DPP10: variants seen among roughly 807,000 people sequenced by gnomAD.
DPP10 encodes the protein inactive dipeptidyl peptidase 10.
Under a neutral mutation model 120.9 loss-of-function variants are expected in DPP10, and 33 were observed. The observed-to-expected ratio is 0.27, with a 90% confidence interval of 0.21 to 0.37. The LOEUF (loss-of-function observed/expected upper bound fraction) is 0.37. Ranked by LOEUF, DPP10 falls within the 10% of genes least tolerant of loss-of-function variation. The pLI, the probability that DPP10 is intolerant of heterozygous loss-of-function variation, is 1.00. For missense variants in DPP10, 816 were observed against 942.8 expected, an observed-to-expected ratio of 0.87 and a Z score of 1.76; for synonymous variants, 337 against 326.1, an observed-to-expected ratio of 1.03 and a Z score of -0.36.
intron 1 of DPP10, among the ~76,000 whole-genome samples, chr2:115,203,974 A>C (rs762044593): frequency 6.6e-6 from 1 of 152,262 alleles, no homozygotes. Context: ...GAGAAACTTT[A>C]TTGTCAAATG....
Position 114,828,011 on chromosome 2 carries a change from CATTT to C in DPP10, c.60+385185_60+385188del, listed in dbSNP as rs57922073. Among the ~76,000 whole-genome samples the C allele has an allele frequency of 8.5e-3, 1,295 of 152,256 alleles. 21 individuals carry two copies. Among genetic ancestry groups the C allele is most frequent in the African/African-American group, 0.029 (1,224 of 41,532 alleles). On this transcript the variant is annotated intron_variant, in intron 1 of 25. Transcript: ENST00000410059. ...TTTCTTGCTTTGTAGAAAAAAACAG[CATTT>C]ATTTATTTATTCATTTTGTTGTTGT...
At chr2:115,539,831 A>G (rs2079075868) in intron 5 of DPP10, among the ~76,000 whole-genome samples, 1 of 151,120 alleles carries the variant, frequency 6.6e-6, no homozygotes, top group Admixed American at 6.6e-5. Context: ...AAAAAAAACC[A>G]CAACCAGATA....
chr2:115,655,307 C>T (rs575364879), intron 5 of DPP10, among the ~76,000 whole-genome samples: 29 of 151,600 alleles, frequency 1.9e-4, no homozygotes, highest in Non-Finnish European at 3.8e-4. Context: ...GAAAAAAAAT[C>T]ATAGTATTCT....
At chr2:115,457,842 T>C (rs544560328) in intron 3 of DPP10, among the ~76,000 whole-genome samples, 5 of 152,124 alleles carry the variant, frequency 3.3e-5, no homozygotes, top group Non-Finnish European at 5.9e-5. Flanking sequence ...CATACAGCTA[T>C]GCAAAATCTT....
intron 1 of DPP10, among the ~76,000 whole-genome samples, chr2:114,450,573 T>G (rs534812038): frequency 1.3e-5 from 2 of 152,112 alleles, no homozygotes; most frequent in Non-Finnish European, 2.9e-5. Flanking sequence ...AGTTTGACTT[T>G]TGAGTTCAGA....
intron 3 of DPP10, among the ~76,000 whole-genome samples, chr2:115,431,973 C>T (rs1717054): frequency 0.11 from 16,249 of 151,946 alleles, 1,029 homozygotes; most frequent in African/African-American, 0.16. Flanking sequence ...AGCTGCTTTC[C>T]AAGGGAAACG....
intron 19 of DPP10, among the ~76,000 whole-genome samples, chr2:115,794,871 A>G (rs1044425347): frequency 1.3e-5 from 2 of 152,016 alleles, no homozygotes; most frequent in Non-Finnish European, 2.9e-5. Flanking sequence ...ACTCATGTTT[A>G]TGTAATTTAA....
rs900270226 is a variant in DPP10 at position 115,845,711 on chromosome 2, G to A, written c.*3366G>A. The A allele has an allele frequency of 1.4e-4, 21 of 152,172 alleles. No homozygotes were observed. The highest frequency in any genetic ancestry group is 5.1e-4 in the African/African-American group (21 of 41,448). 9.4% of individuals were successfully genotyped at this position (152,172 alleles called of 1,614,324 possible). ...AGAAATTATCACTGTGAATATTACA[G>A]GAGGAGAAATAAAATAAGAATAAAT... On this transcript the variant is annotated 3_prime_UTR_variant, in exon 26 of 26. Transcript: ENST00000410059.
intron 1 of DPP10, among the ~76,000 whole-genome samples, chr2:114,860,695 G>A (rs989380770): frequency 3.3e-5 from 5 of 152,160 alleles, no homozygotes; most frequent in Non-Finnish European, 5.9e-5. Context: ...GATAGCCTGT[G>A]ATATTTAGTG....
chr2:114,668,897 A>C (rs1196462626), intron 1 of DPP10, among the ~76,000 whole-genome samples: 1 of 152,064 alleles, frequency 6.6e-6, no homozygotes, highest in Non-Finnish European at 1.5e-5. Context: ...TTTTACATAC[A>C]TGTAATGAAT....
chr2:115,158,751 AAAGAT>A (rs1198456889), intron 1 of DPP10, among the ~76,000 whole-genome samples: 14 of 152,244 alleles, frequency 9.2e-5, no homozygotes, highest in African/African-American at 3.1e-4. Flanking sequence ...TTAGCTGATC[AAAGAT>A]AATACATGAA....
chr2:115,127,530 T>C (rs1340818320), intron 1 of DPP10, among the ~76,000 whole-genome samples: 1 of 152,196 alleles, frequency 6.6e-6, no homozygotes, highest in Non-Finnish European at 1.5e-5. Context: ...GTTGAAAATA[T>C]ATTTTGTAAA....
intron 7 of DPP10, among the ~76,000 whole-genome samples, chr2:115,710,989 A>G (rs536515632): frequency 6.6e-6 from 1 of 152,260 alleles, no homozygotes; most frequent in East Asian, 1.9e-4. Flanking sequence ...TGTGTTAGTC[A>G]CTCTGGAGAA....
At chr2:115,070,583 T>A (rs1707285034) in intron 1 of DPP10, among the ~76,000 whole-genome samples, 1 of 152,144 alleles carries the variant, frequency 6.6e-6, no homozygotes, top group Non-Finnish European at 1.5e-5. Context: ...ATCAGACACA[T>A]TTATTGGCAT....
chr2:115,076,470 G>A (rs1016676298), intron 1 of DPP10, among the ~76,000 whole-genome samples: 1 of 151,896 alleles, frequency 6.6e-6, no homozygotes, highest in African/African-American at 2.4e-5. Context: ...TGCTGGCCCT[G>A]TATATGTCAA....
intron 1 of DPP10, among the ~76,000 whole-genome samples, chr2:114,545,097 A>G (rs1687281110): frequency 6.6e-6 from 1 of 152,124 alleles, no homozygotes; most frequent in Non-Finnish European, 1.5e-5. Flanking sequence ...TGATCCGCCC[A>G]CTTCAGCCTT....
intron 4 of DPP10, among the ~76,000 whole-genome samples, chr2:115,500,423 ATTG>A (rs1451266625): frequency 7.2e-5 from 11 of 152,014 alleles, no homozygotes; most frequent in African/African-American, 2.7e-4. Flanking sequence ...AATAAGCAAA[ATTG>A]TTGGCTACTT....
At chr2:114,798,637 C>T (rs1020265762) in intron 1 of DPP10, among the ~76,000 whole-genome samples, 3 of 152,068 alleles carry the variant, frequency 2.0e-5, no homozygotes, top group Admixed American at 1.3e-4. Flanking sequence ...AGGGCAGGCA[C>T]CCTTAAAGGG....
intron 5 of DPP10, among the ~76,000 whole-genome samples, chr2:115,540,144 A>G (rs2079092805): frequency 6.6e-6 from 1 of 151,884 alleles, no homozygotes; most frequent in East Asian, 1.9e-4. Context: ...CCAGAAAATG[A>G]CCAAGGCTTT....
Sources: allele counts gnomAD v4.1 joint callset (sites outside exome capture counted in the v4.1 genomes callset), GRCh38; gene constraint gnomAD v4.1.1; transcripts MANE v1.5; gene names NCBI Gene and HGNC (gene_info 2026-07-23, HGNC 2026-07-21).